Variants in SLC39A12 observed in about 807,000 individuals in gnomAD.
SLC39A12 encodes zinc transporter ZIP12.
SLC39A12 carries 63 observed loss-of-function variants against 71.1 expected under a neutral mutation model. The observed-to-expected ratio is 0.89, with a 90% CI of 0.72 to 1.09. The LOEUF is 1.09. Ranked by LOEUF, SLC39A12 falls within the 50% of genes least tolerant of loss-of-function variation. The probability of loss-of-function intolerance (pLI) is 0.00; values close to 1 mark genes in which losing one functional copy is unlikely to be tolerated. For synonymous variants in SLC39A12, 351 were observed against 301.3 expected (o/e 1.16, Z -1.71); for missense variants, 892 against 812.6 (o/e 1.10, Z -1.19).
At chr10:17,970,827 T>C (rs1834951410) in intron 4 of SLC39A12, among the ~76,000 whole-genome samples, 1 of 152,070 alleles carries the variant, frequency 6.6e-6, no homozygotes, top group African/African-American at 2.4e-5. Flanking sequence ...AGCTAGGATG[T>C]CCAGTACTAT....
chr10:18,028,609 A>G (rs994977083), intron 12 of SLC39A12, among the ~76,000 whole-genome samples: 1 of 152,176 alleles, frequency 6.6e-6, no homozygotes, highest in Non-Finnish European at 1.5e-5. Flanking sequence ...GTATTTGTCT[A>G]CTTTCTTTCC....
Position 18,000,717 on chromosome 10 carries a change from C to A in SLC39A12, c.1651C>A (p.His551Asn), listed in dbSNP as rs2130842204. Residue 551 changes from histidine (H) to asparagine (N), a missense_variant, in exon 11 of 13, where the codon CAT becomes AAT. Coordinates refer to ENST00000377369, the MANE Select transcript of SLC39A12 (RefSeq NM_001145195.2). ...CATGATTCTGGTTGGGGACAGCCTG[C>A]ATAATTTTGCAGATGGCCTAGCCAT... ...AIMILVGDSLHNFADGLAIGA... is the reference protein window; with the variant it reads ...AIMILVGDSLNNFADGLAIGA... 1 of 1,614,166 alleles carries A rather than the reference C, an allele frequency of 6.2e-7. No homozygotes were observed. Among genetic ancestry groups the A allele is most frequent in the South Asian group, 1.1e-5 (1 of 91,086 alleles).
chr10:17,975,385 A>G (rs566357807), intron 4 of SLC39A12, among the ~76,000 whole-genome samples: 112 of 152,298 alleles, frequency 7.4e-4, no homozygotes, highest in African/African-American at 2.6e-3. Flanking sequence ...TTAGCAGGTG[A>G]CAAGTCCTGC....
At chr10:17,988,901 C>T (rs1190714440) in intron 7 of SLC39A12, among the ~76,000 whole-genome samples, 1 of 152,040 alleles carries the variant, frequency 6.6e-6, no homozygotes, top group Non-Finnish European at 1.5e-5. Context: ...TCTCTGGGTG[C>T]CTCATTATCC....
At position 17,995,652 on chromosome 10, in the gene SLC39A12, A is replaced by C. The variant is rs370675308; in HGVS notation, c.1534-4A>C. The C allele has an allele frequency of 2.5e-6, 4 of 1,610,510 alleles. No individual in the cohort carries two copies. The African/African-American group carries it at 5.4e-5, about 22-fold the overall frequency. On this transcript the variant is annotated splice_region_variant and splice_polypyrimidine_tract_variant and intron_variant, in intron 9 of 12. Transcript: ENST00000377369. ...TTCATCAGTTATTTTTTAATTTAAAATAGAAAAGCCCAGAAGATTCACAGG... is the reference window on the plus strand; with the variant it reads ...TTCATCAGTTATTTTTTAATTTAAACTAGAAAAGCCCAGAAGATTCACAGG...
chr10:17,956,244 A>T (rs868908829), intron 2 of SLC39A12, among the ~76,000 whole-genome samples: 1 of 152,108 alleles, frequency 6.6e-6, no homozygotes, highest in South Asian at 2.1e-4. Context: ...AATCATGTGG[A>T]CATAGATGTA....
At chr10:17,985,450 G>GT (rs34451787) in intron 6 of SLC39A12, among the ~76,000 whole-genome samples, 8,866 of 149,394 alleles carry the variant, frequency 0.059, 720 homozygotes, top group African/African-American at 0.19. Flanking sequence ...TAAGAGGATA[G>GT]TTTTTTTTTT....
intron 5 of SLC39A12, among the ~76,000 whole-genome samples, chr10:17,978,679 A>C (rs973066151): frequency 6.6e-6 from 1 of 152,210 alleles, no homozygotes; most frequent in Admixed American, 6.5e-5. Flanking sequence ...GGGTTACTTA[A>C]GGCATGCATC....
chr10:18,012,384 G>T (rs1404842893), intron 12 of SLC39A12, among the ~76,000 whole-genome samples: 1 of 152,142 alleles, frequency 6.6e-6, no homozygotes, highest in Non-Finnish European at 1.5e-5. Flanking sequence ...TTGTAGAAAG[G>T]GAAATCCTGG....
At chr10:17,980,162 T>C (rs544608991) in intron 5 of SLC39A12, among the ~76,000 whole-genome samples, 1 of 152,228 alleles carries the variant, frequency 6.6e-6, no homozygotes, top group South Asian at 2.1e-4. Flanking sequence ...GCCTTTCTAA[T>C]ACAATTTCCT....
chr10:17,989,451 C>T (rs1835484454), intron 7 of SLC39A12, among the ~76,000 whole-genome samples: 1 of 151,060 alleles, frequency 6.6e-6, no homozygotes, highest in African/African-American at 2.5e-5. Flanking sequence ...GAATTGTTTA[C>T]TGCCCAGGAG....
rs192064671 is a variant in SLC39A12 at position 17,980,553 on chromosome 10, A to G, written c.925-759A>G. On this transcript the variant is annotated intron_variant, in intron 5 of 12. Coordinates refer to ENST00000377369, the MANE Select transcript of SLC39A12 (RefSeq NM_001145195.2). ...GTAATTTTTGAAGTACACAACGTCA[A>G]CCTTTATTCTGAGATGGACAAATGT... Among the ~76,000 whole-genome samples the G allele has an allele frequency of 4.0e-5, 6 of 148,248 alleles. No individual in the cohort carries two copies. In the East Asian group the frequency reaches 6.4e-4, roughly 16 times the overall value.
chr10:18,027,812 T>C (rs929392413), intron 12 of SLC39A12, among the ~76,000 whole-genome samples: 1 of 152,236 alleles, frequency 6.6e-6, no homozygotes, highest in African/African-American at 2.4e-5. Flanking sequence ...TGCTCATTTG[T>C]AAGCCAAATG....
At chr10:17,996,947 G>A (rs903156300) in intron 10 of SLC39A12, among the ~76,000 whole-genome samples, 4 of 149,430 alleles carry the variant, frequency 2.7e-5, no homozygotes, top group South Asian at 2.1e-4. Flanking sequence ...GCAGGGAGGC[G>A]GAGCTTGCAG....
At chr10:17,999,833 G>A (rs913627830) in intron 10 of SLC39A12, among the ~76,000 whole-genome samples, 4 of 152,146 alleles carry the variant, frequency 2.6e-5, no homozygotes, top group African/African-American at 7.2e-5. Flanking sequence ...TGAATGGGGC[G>A]CTTCAGGGAA....
In SLC39A12 at chr10:17,981,213, C is replaced by T. The variant is rs1411707115; in HGVS notation, c.925-99C>T. On this transcript the variant is annotated intron_variant, in intron 5 of 12. Transcript: ENST00000377369. ...TACCGGCTTCATGTGTGTGTTCTCG[C>T]TATTCCATCTAGAATTCACTCCTCA... 7 of 1,066,208 alleles carry T rather than the reference C, an allele frequency of 6.6e-6. No individual in the cohort carries two copies. The African/African-American group carries it at 7.9e-5, about 12-fold the overall frequency. The allele number at this position is 1,066,208 out of a possible 1,614,324, so 66.0% of individuals were successfully genotyped here. A position where few individuals can be genotyped will look rare whatever the true frequency, so the allele number is the denominator to read the frequency against.
At chr10:17,955,863 A>T (rs1299618039) in intron 2 of SLC39A12, among the ~76,000 whole-genome samples, 1 of 152,170 alleles carries the variant, frequency 6.6e-6, no homozygotes, top group East Asian at 1.9e-4. Flanking sequence ...TATAGTTTTA[A>T]TGAACATCGT....
At chr10:17,961,090 T>G (rs1296416959) in intron 2 of SLC39A12, among the ~76,000 whole-genome samples, 1 of 152,052 alleles carries the variant, frequency 6.6e-6, no homozygotes, top group Non-Finnish European at 1.5e-5. Flanking sequence ...CAATTTAGGC[T>G]GAAACCTGAA....
At chr10:18,028,841 T>G (rs1429422588) in intron 12 of SLC39A12, among the ~76,000 whole-genome samples, 1 of 152,038 alleles carries the variant, frequency 6.6e-6, no homozygotes, top group Non-Finnish European at 1.5e-5. Context: ...AGCCTCAGCC[T>G]CCCGAGTAGC....
Sources: allele counts gnomAD v4.1 joint callset (sites outside exome capture counted in the v4.1 genomes callset), GRCh38; gene constraint gnomAD v4.1.1; transcripts MANE v1.5; gene names NCBI Gene and HGNC (gene_info 2026-07-23, HGNC 2026-07-21).